CRISPLD2: variants seen among roughly 807,000 people sequenced by gnomAD.
The protein encoded by CRISPLD2 is cysteine-rich secretory protein LCCL domain-containing 2.
CRISPLD2 carries 47 observed loss-of-function variants against 71.1 expected under a neutral mutation model. The observed-to-expected ratio is 0.66, with a 90% CI of 0.52 to 0.84. CRISPLD2 has a LOEUF of 0.84. CRISPLD2 is among the 40% of genes least tolerant of loss of function. The probability of loss-of-function intolerance (pLI) is 0.00; values close to 1 mark genes in which losing one functional copy is unlikely to be tolerated. For missense variants in CRISPLD2, 830 were observed against 651.1 expected (o/e 1.27, Z -2.99); for synonymous variants, 317 against 250.1 (o/e 1.27, Z -2.52).
At chr16:84,838,383 C>A (rs1036221205) in intron 1 of CRISPLD2, 39 bp from the exon 2 acceptor site, 2 of 1,335,452 alleles carry the variant, frequency 1.5e-6, no homozygotes, top group African/African-American at 2.9e-5. Context: ...CCGGCTCCTA[C>A]TAATGCGACT....
At chr16:84,849,757 G>A (rs1267968378) in intron 4 of CRISPLD2, among the ~76,000 whole-genome samples, 2 of 135,832 alleles carry the variant, frequency 1.5e-5, no homozygotes, top group African/African-American at 5.2e-5. Context: ...CCTGCTACCT[G>A]GGCTGGAGTG....
At position 84,907,997 on chromosome 16, in the gene CRISPLD2, C is replaced by T. The variant is rs1205846360; in HGVS notation, c.*1355C>T. Reference sequence around the variant, plus strand: ...AAAATTCCACTCTCTACCACCGGGCCAGCCAATAGATCACTTTGGTGAATG... The same window carrying T: ...AAAATTCCACTCTCTACCACCGGGCTAGCCAATAGATCACTTTGGTGAATG... On this transcript the variant is annotated 3_prime_UTR_variant, in exon 15 of 15. Coordinates refer to ENST00000262424, the MANE Select transcript of CRISPLD2 (RefSeq NM_031476.4). 6.6e-6 allele frequency: 1 copy of T among 152,190 alleles called. No homozygotes were observed. Among genetic ancestry groups the T allele is most frequent in the Non-Finnish European group, 1.5e-5 (1 of 68,048 alleles). 9.4% of individuals were successfully genotyped at this position (152,190 alleles called of 1,614,324 possible).
chr16:84,823,434 G>A (rs924625459), intron 1 of CRISPLD2, among the ~76,000 whole-genome samples: 28 of 152,322 alleles, frequency 1.8e-4, no homozygotes, highest in African/African-American at 6.7e-4. Flanking sequence ...GGAGACTGTG[G>A]CCTCTTTTTT....
chr16:84,896,496 T>A (rs1175743900), intron 14 of CRISPLD2, among the ~76,000 whole-genome samples: 1 of 152,240 alleles, frequency 6.6e-6, no homozygotes, highest in Non-Finnish European at 1.5e-5. Flanking sequence ...CCATATGTAT[T>A]CAGCAAAAAC....
chr16:84,898,345 G>A (rs1000485955), intron 14 of CRISPLD2, among the ~76,000 whole-genome samples: 3 of 152,102 alleles, frequency 2.0e-5, no homozygotes, highest in Non-Finnish European at 2.9e-5. Context: ...ATTCAAGGCC[G>A]CAGCTGCTTC....
In CRISPLD2 at chr16:84,906,651, C is replaced by T. The variant is rs376397982; in HGVS notation, c.*9C>T. 2.1e-5 allele frequency: 34 copies of T among 1,613,980 alleles called. No individual in the cohort carries two copies. In the African/African-American group the frequency reaches 4.4e-4, roughly 21 times the overall value. On this transcript the variant is annotated 3_prime_UTR_variant, in exon 15 of 15. Transcript: ENST00000262424. ...TTGCTGTCAGGCAGTGAATTTCCAG[C>T]ACCAGGGGAGAAGGGGCGTCTTCAG...
rs1367941267 is a variant in CRISPLD2, at chr16:84,873,113, A to G, written c.1103A>G (p.Gln368Arg). The change falls in exon 10 of 15, where the codon CAG becomes CGG. Residue 368 changes from glutamine to arginine, a missense_variant. Transcript: ENST00000262424. Reference protein sequence around the residue: ...FFVKSERHGVQSLSKYKPSSS... With the variant: ...FFVKSERHGVRSLSKYKPSSS... The stretch of plus-strand genomic sequence containing the variant: ...GTGAAGTCTGAGAGACACGGCGTGC[A>G]GTCCCTCAGGTAACTACTCTGTGAT... 1.2e-6 allele frequency: 2 copies of G among 1,613,584 alleles called. No individual in the cohort carries two copies. Among genetic ancestry groups the G allele is most frequent in the Non-Finnish European group, 8.5e-7 (1 of 1,179,792 alleles).
chr16:84,842,394 A>G (rs1225301762), intron 2 of CRISPLD2: 35 of 76,244 alleles, frequency 4.6e-4, no homozygotes, highest in African/African-American at 1.3e-3. Context: ...TTTTTTTTTG[A>G]GACAGATTCT....
chr16:84,843,513 A>C (rs968321935), intron 2 of CRISPLD2, among the ~76,000 whole-genome samples: 12 of 152,182 alleles, frequency 7.9e-5, no homozygotes, highest in African/African-American at 2.7e-4. Flanking sequence ...CAGCTCTGTC[A>C]CTGGCCAGCT....
At chr16:84,889,411 G>A in intron 14 of CRISPLD2, 48 bp downstream of exon 14, 4 of 1,569,496 alleles carry the variant, frequency 2.5e-6, no homozygotes, top group Non-Finnish European at 2.6e-6. Context: ...GGCTGCTAAT[G>A]GTCCCTCAGG....
At chr16:84,846,645 C>G (rs188103479) in intron 3 of CRISPLD2, among the ~76,000 whole-genome samples, 33 of 152,296 alleles carry the variant, frequency 2.2e-4, no homozygotes, top group African/African-American at 6.5e-4. Flanking sequence ...TGGGTCATTT[C>G]TGTCTGGTTC....
intron 1 of CRISPLD2, among the ~76,000 whole-genome samples, chr16:84,833,961 G>C (rs1455002822): frequency 6.6e-6 from 1 of 152,344 alleles, no homozygotes; most frequent in Middle Eastern, 3.4e-3. Flanking sequence ...GCATGGGTTG[G>C]TGGGGGTGCT....
intron 6 of CRISPLD2, 97 bp from the exon 7 acceptor site, chr16:84,866,800 C>A: frequency 8.3e-7 from 1 of 1,197,990 alleles, no homozygotes; most frequent in South Asian, 1.3e-5. Flanking sequence ...AACCAAACCT[C>A]AAACACGTTT....
At chr16:84,906,530 C>G in intron 14 of CRISPLD2, 58 bp from the exon 15 acceptor site, 1 of 1,582,734 alleles carries the variant, frequency 6.3e-7, no homozygotes, top group African/African-American at 1.3e-5. Flanking sequence ...CACCCAGAGT[C>G]CCTGCAGGAG....
rs978223280 is a variant in CRISPLD2, at chr16:84,888,668, G to A, written c.1306-562G>A. The stretch of plus-strand genomic sequence containing the variant: ...TGTATTCCAGCCACCCTGGCTGTCT[G>A]TCTGTTTCTTGGATATGATGAGTTT... On this transcript the variant is annotated intron_variant, in intron 13 of 14. Coordinates refer to ENST00000262424, the MANE Select transcript of CRISPLD2 (RefSeq NM_031476.4). Among the ~76,000 whole-genome samples, 12 of 152,196 alleles carry A rather than the reference G, an allele frequency of 7.9e-5. 1 individual carries two copies. Among genetic ancestry groups the A allele is most frequent in the Admixed American group, 7.9e-4 (12 of 15,278 alleles).
chr16:84,842,982 G>A (rs1916816480), intron 2 of CRISPLD2, among the ~76,000 whole-genome samples: 1 of 152,204 alleles, frequency 6.6e-6, no homozygotes, highest in Non-Finnish European at 1.5e-5. Context: ...TCCCTGCACT[G>A]TGTGGTCCTC....
intron 1 of CRISPLD2, among the ~76,000 whole-genome samples, chr16:84,828,045 G>T (rs1597444668): frequency 6.6e-6 from 1 of 152,260 alleles, no homozygotes; most frequent in East Asian, 1.9e-4. Context: ...CCAGTCCCGA[G>T]GGCAGATTCG....
chr16:84,864,716 C>A (rs1048478097), intron 6 of CRISPLD2, among the ~76,000 whole-genome samples: 2 of 152,216 alleles, frequency 1.3e-5, no homozygotes, highest in Non-Finnish European at 2.9e-5. Context: ...TGAGCAGCTG[C>A]TGTGTGCTGG....
intron 13 of CRISPLD2, among the ~76,000 whole-genome samples, chr16:84,882,405 G>A (rs990199975): frequency 6.9e-6 from 1 of 144,922 alleles, no homozygotes; most frequent in Non-Finnish European, 1.5e-5. Context: ...AACAATAGAA[G>A]GCTACTTTTT....
Sources: allele counts gnomAD v4.1 joint callset (sites outside exome capture counted in the v4.1 genomes callset), GRCh38; gene constraint gnomAD v4.1.1; transcripts MANE v1.5; gene names NCBI Gene and HGNC (gene_info 2026-07-23, HGNC 2026-07-21).